ITSN2: variants seen among roughly 807,000 people sequenced by gnomAD.
ITSN2 encodes the protein intersectin-2.
A neutral mutation model predicts 243.7 loss-of-function variants in ITSN2; 156 were observed. The ratio of observed to expected loss-of-function variants is 0.64; its 90% CI spans 0.56 to 0.73. The LOEUF (loss-of-function observed/expected upper bound fraction) is 0.73. ITSN2 is among the 30% of genes least tolerant of loss of function. The probability of loss-of-function intolerance (pLI) is 0.00; values close to 1 mark genes in which losing one functional copy is unlikely to be tolerated. For synonymous variants in ITSN2, 703 were observed against 699.9 expected (o/e 1.00, Z -0.07); for missense variants, 1,801 against 1,996.1 (o/e 0.90, Z 1.86).
At position 24,225,629 on chromosome 2, in the gene ITSN2, C is replaced by A. The variant is rs41281483; in HGVS notation, c.3578-4563G>T. Among the ~76,000 whole-genome samples the A allele has an allele frequency of 5.9e-5, 9 of 152,120 alleles. No individual in the cohort carries two copies. Among genetic ancestry groups the A allele is most frequent in the African/African-American group, 9.7e-5 (4 of 41,432 alleles). On this transcript the variant is annotated intron_variant, in intron 29 of 39. Transcript: ENST00000355123. The surrounding 1 kb of genome is among the most constrained non-coding windows in gnomAD (Gnocchi z 4.2). ...CTGCTGCCTGGCTCTCTGCTCCCCC[C>A]AGTCCAGCAAATGCCAAAATAGGCT...
At chr2:24,271,455 C>T (rs1677335927) in intron 19 of ITSN2, among the ~76,000 whole-genome samples, 1 of 152,010 alleles carries the variant, frequency 6.6e-6, no homozygotes, top group Non-Finnish European at 1.5e-5. Context: ...AAATAAATAG[C>T]TTAGTTATAG....
chr2:24,353,969 C>A (rs1344784743), intron 1 of ITSN2, among the ~76,000 whole-genome samples: 5 of 152,166 alleles, frequency 3.3e-5, no homozygotes, highest in African/African-American at 7.2e-5. Context: ...ATTTTGTGAT[C>A]AAGTTCAGTT....
chr2:24,296,700 T>C (rs777140666), intron 13 of ITSN2, among the ~76,000 whole-genome samples: 3 of 152,190 alleles, frequency 2.0e-5, no homozygotes, highest in Non-Finnish European at 2.9e-5. Flanking sequence ...AAAAAATTAA[T>C]TTCTGTTGTT....
chr2:24,308,767 A>T lies in ITSN2; in HGVS notation c.654-11T>A. On this transcript the variant is annotated splice_polypyrimidine_tract_variant and intron_variant, in intron 7 of 39. Coordinates refer to ENST00000355123, the MANE Select transcript of ITSN2 (RefSeq NM_006277.3). Reference sequence around the variant, plus strand: ...GTCGAGGAAGTTGAGCTATAAAAAAATTTATTTAAAATTTTTATGTTACTA... The same window carrying T: ...GTCGAGGAAGTTGAGCTATAAAAAATTTTATTTAAAATTTTTATGTTACTA... 1 of 1,342,806 alleles carries T rather than the reference A, an allele frequency of 7.4e-7. No homozygotes were observed. Among genetic ancestry groups the T allele is most frequent in the Non-Finnish European group, 9.7e-7 (1 of 1,029,624 alleles). The allele number at this position is 1,342,806 out of a possible 1,614,324, so 83.2% of individuals were successfully genotyped here. A position where few individuals can be genotyped will look rare whatever the true frequency, so the allele number is the denominator to read the frequency against.
At chr2:24,304,122 T>C (rs1039373908) in intron 8 of ITSN2, among the ~76,000 whole-genome samples, 2 of 152,166 alleles carry the variant, frequency 1.3e-5, no homozygotes, top group Non-Finnish European at 2.9e-5. Context: ...TACACACAAG[T>C]GGCTAACGTG....
At chr2:24,281,979 G>A (rs547631165) in intron 17 of ITSN2, among the ~76,000 whole-genome samples, 185 of 152,300 alleles carry the variant, frequency 1.2e-3, no homozygotes, top group African/African-American at 4.2e-3. Context: ...TGAAGCTGTC[G>A]ATATGGGAGT....
intron 4 of ITSN2, among the ~76,000 whole-genome samples, chr2:24,312,727 G>C (rs964405904): frequency 2.6e-5 from 4 of 151,938 alleles, no homozygotes; most frequent in Non-Finnish European, 5.9e-5. Flanking sequence ...TATGTGCCTC[G>C]TACTCTACCA....
At chr2:24,291,688 C>G (rs577960414) in intron 15 of ITSN2, among the ~76,000 whole-genome samples, 1 of 152,060 alleles carries the variant, frequency 6.6e-6, no homozygotes, top group Non-Finnish European at 1.5e-5. Context: ...TGGCGTATCA[C>G]CATGTTGGCC....
At chr2:24,243,450 C>T (rs540967673) in intron 29 of ITSN2, among the ~76,000 whole-genome samples, 1 of 143,850 alleles carries the variant, frequency 7.0e-6, no homozygotes, top group Non-Finnish European at 1.5e-5. Context: ...CAATAATGAC[C>T]GAAAGACGAT....
rs76041480 is a variant in ITSN2 at position 24,218,934 on chromosome 2, C to T, written c.3700-921G>A. Among the ~76,000 whole-genome samples the T allele has an allele frequency of 7.3e-3, 1,105 of 152,264 alleles. 8 individuals carry two copies. The highest frequency in any genetic ancestry group is 0.026 in the African/African-American group (1,064 of 41,540). On this transcript the variant is annotated intron_variant, in intron 30 of 39. Coordinates refer to ENST00000355123, the MANE Select transcript of ITSN2 (RefSeq NM_006277.3). ...GAATCACTCAAAGCTCTCCACTGTC[C>T]GTGTGATAAGACACAGACTCCTCCT...
chr2:24,257,917 G>T lies in ITSN2; in HGVS notation c.2859C>A (p.Ile953=), dbSNP rs1675273565. The T allele has an allele frequency of 6.2e-7, 1 of 1,613,796 alleles. No homozygotes were observed. Among genetic ancestry groups the T allele is most frequent in the African/African-American group, 1.3e-5 (1 of 74,890 alleles). Residue 953 remains isoleucine (I), a synonymous_variant, in exon 23 of 40, where the codon ATC becomes ATA. Transcript: ENST00000355123. Reference sequence around the variant, plus strand: ...CCCGTTTTACTTCACTCCCAGGAATGATCTTGACATAAGATTTGGGAAACC... The same window carrying T: ...CCCGTTTTACTTCACTCCCAGGAATTATCTTGACATAAGATTTGGGAAACC... ...RGWFPKSYVK[I]IPGSEVKREE...
chr2:24,350,893 T>C (rs1048744266), intron 1 of ITSN2, among the ~76,000 whole-genome samples: 11 of 152,182 alleles, frequency 7.2e-5, no homozygotes, highest in African/African-American at 4.8e-5. Context: ...GAGGTTCTTT[T>C]AAGAACGACG....
chr2:24,297,471 C>T (rs1304440627), intron 13 of ITSN2, among the ~76,000 whole-genome samples: 1 of 152,206 alleles, frequency 6.6e-6, no homozygotes, highest in Non-Finnish European at 1.5e-5. Flanking sequence ...CTAAGAACTA[C>T]AATCCTGCAG....
rs1377962837 is a variant in ITSN2, at chr2:24,360,368, C to G, written c.-98G>C. 6.6e-6 allele frequency: 1 copy of G among 152,306 alleles called. No homozygotes were observed. The highest frequency in any genetic ancestry group is 1.9e-4 in the East Asian group (1 of 5,190). The allele number at this position is 152,306 out of a possible 1,614,324, so 9.4% of individuals were successfully genotyped here. On this transcript the variant is annotated 5_prime_UTR_variant, in exon 1 of 40. Transcript: ENST00000355123. ...CTCCGCGTCCCTCAGCACCGGCAGC[C>G]TGGGCGCGGGCAGGCGCGGGGAGAC...
At chr2:24,301,347 TAAAG>T in intron 10 of ITSN2, 108 bp from the exon 11 acceptor site, 1 of 558,000 alleles carries the variant, frequency 1.8e-6, no homozygotes, top group Middle Eastern at 4.2e-4. Context: ...AATACAGTAT[TAAAG>T]ATATTTAAAA....
At chr2:24,259,276 TTATC>T (rs1301641708) in intron 22 of ITSN2, among the ~76,000 whole-genome samples, 2 of 152,226 alleles carry the variant, frequency 1.3e-5, no homozygotes, top group Admixed American at 6.5e-5. Context: ...ATTCAATGGA[TTATC>T]TATTTAATAT....
chr2:24,283,742 G>C lies in ITSN2; in HGVS notation c.1944+1021C>G, dbSNP rs1469038534. On this transcript the variant is annotated intron_variant, in intron 17 of 39. Transcript: ENST00000355123. ...GCAGAAGGAACAAAGTAAAACAAGG[G>C]ACAAGAATAACTGCTGGCCTGTGGA... Among the ~76,000 whole-genome samples the C allele has an allele frequency of 4.6e-5, 7 of 152,290 alleles. No individual in the cohort carries two copies. The East Asian group carries it at 1.3e-3, about 29-fold the overall frequency.
intron 2 of ITSN2, among the ~76,000 whole-genome samples, chr2:24,327,557 CAA>C (rs1685292931): frequency 6.6e-6 from 1 of 152,114 alleles, no homozygotes; most frequent in Non-Finnish European, 1.5e-5. Flanking sequence ...CTCAGCCTCA[CAA>C]AGTGCTGTAA....
chr2:24,279,955 A>G (rs942553618), intron 17 of ITSN2, among the ~76,000 whole-genome samples: 9 of 151,564 alleles, frequency 5.9e-5, no homozygotes, highest in Non-Finnish European at 1.0e-4. Flanking sequence ...GCTGGTCTCG[A>G]ACTCCTGATC....
Sources: allele counts gnomAD v4.1 joint callset (sites outside exome capture counted in the v4.1 genomes callset), GRCh38; gene constraint gnomAD v4.1.1; non-coding constraint Gnocchi (gnomAD v3.1); transcripts MANE v1.5; gene names NCBI Gene and HGNC (gene_info 2026-07-23, HGNC 2026-07-21).